The following PML variants were observed in gnomAD, a reference collection of about 807,000 sequenced individuals.
PML encodes the protein protein PML.
Under a neutral mutation model 65.2 loss-of-function variants are expected in PML, and 28 were observed. The ratio of observed to expected loss-of-function variants is 0.43; its 90% CI spans 0.32 to 0.59. PML has a LOEUF of 0.59. Ranked by LOEUF, PML falls within the 20% of genes least tolerant of loss-of-function variation. PML has a pLI of 0.08. For synonymous variants in PML, 500 were observed against 508.8 expected (o/e 0.98, Z 0.23); for missense variants, 1,021 against 1,203.4 (o/e 0.85, Z 2.24).
At position 74,032,677 on chromosome 15, in the gene PML, G is replaced by T. The variant is rs1488618225; in HGVS notation, c.1360G>T (p.Val454Leu). The T allele has an allele frequency of 1.2e-6, 2 of 1,614,226 alleles. No homozygotes were observed. The highest frequency in any genetic ancestry group is 1.7e-6 in the Non-Finnish European group (2 of 1,180,006). ...AGTGCCCGGGGCACACCCCGTGCCAGTGTACGCCTTCTCCATCAAAGGCCC... is the reference window on the plus strand; with the variant it reads ...AGTGCCCGGGGCACACCCCGTGCCATTGTACGCCTTCTCCATCAAAGGCCC... Reference protein sequence around the residue: ...QSVPGAHPVPVYAFSIKGPSY... With the variant: ...QSVPGAHPVPLYAFSIKGPSY... The change falls in exon 5 of 9, where the codon GTG (valine) becomes TTG (leucine). Residue 454 changes from valine to leucine, a missense_variant. Transcript: ENST00000268058.
chr15:74,001,460 C>T (rs1567117661), intron 2 of PML, among the ~76,000 whole-genome samples: 2 of 152,076 alleles, frequency 1.3e-5, no homozygotes, highest in Non-Finnish European at 2.9e-5. Context: ...CTGCCTCAGC[C>T]TCCCCAGTAG....
chr15:74,023,110 C>T lies in PML; in HGVS notation c.885C>T (p.Arg295=). 1 of 1,603,644 alleles carries T rather than the reference C, an allele frequency of 6.2e-7. No individual in the cohort carries two copies. Among genetic ancestry groups the T allele is most frequent in the Non-Finnish European group, 8.5e-7 (1 of 1,179,004 alleles). The change falls in exon 3 of 9, where the codon CGC becomes CGT. Residue 295 remains arginine (R), a synonymous_variant. Coordinates refer to ENST00000268058, the MANE Select transcript of PML (RefSeq NM_033238.3). ...TAGCTCACGTGCGGGCTCAGGAGCG[C>T]GAGCTGCTGGAGGCTGTGGACGCGC... ...QVVAHVRAQE[R]ELLEAVDARY...
At chr15:74,020,784 G>A (rs79317216) in intron 2 of PML, among the ~76,000 whole-genome samples, 3,065 of 152,206 alleles carry the variant, frequency 0.02, 55 homozygotes, top group Non-Finnish European at 0.032. Context: ...TCTAGAGGCT[G>A]CCCACATTCC....
intron 2 of PML, among the ~76,000 whole-genome samples, chr15:74,006,284 A>G (rs2070045442): frequency 6.6e-6 from 1 of 150,972 alleles, no homozygotes; most frequent in Non-Finnish European, 1.5e-5. Flanking sequence ...CCAGCTACTC[A>G]GGAGGCTGAG....
intron 2 of PML, among the ~76,000 whole-genome samples, chr15:74,022,104 T>C (rs2070863043): frequency 6.6e-6 from 1 of 152,124 alleles, no homozygotes. Context: ...ATTACAGGCA[T>C]GCGGCAACAC....
rs2071739739 is a variant in PML at position 74,043,803 on chromosome 15, G to T, written c.1862-418G>T. 1 of 534,046 alleles carries T rather than the reference G, an allele frequency of 1.9e-6. No individual in the cohort carries two copies. The highest frequency in any genetic ancestry group is 1.9e-5 in the Admixed American group (1 of 51,304). 33.1% of individuals were successfully genotyped at this position (534,046 alleles called of 1,614,324 possible). A position where few individuals can be genotyped will look rare whatever the true frequency, so the allele number is the denominator to read the frequency against. ...TTGCTCTGAGTGGAGTGCTTTCTAT[G>T]TCCCAGGGCTCTGACTGGGCTGGGG... is the stretch of plus-strand genomic sequence containing the variant. On this transcript the variant is annotated intron_variant, in intron 8 of 8. Transcript: ENST00000268058. This position sits in a 1 kb window ranked among gnomAD's most constrained non-coding sequence, Gnocchi z 4.3.
At chr15:74,008,954 A>C (rs1473207606) in intron 2 of PML, among the ~76,000 whole-genome samples, 1 of 152,190 alleles carries the variant, frequency 6.6e-6, no homozygotes, top group Non-Finnish European at 1.5e-5. Flanking sequence ...TATCCAATAG[A>C]AACTGAAGCA....
At chr15:74,015,115 C>A (rs1029697013) in intron 2 of PML, among the ~76,000 whole-genome samples, 1 of 152,226 alleles carries the variant, frequency 6.6e-6, no homozygotes, top group Non-Finnish European at 1.5e-5. Flanking sequence ...CTGGTATCTT[C>A]TTCTCCAAGA....
chr15:74,044,602 T>G lies in PML; in HGVS notation c.2243T>G (p.Leu748Arg), dbSNP rs1430073273. The G allele has an allele frequency of 1.2e-6, 2 of 1,608,318 alleles. No individual in the cohort carries two copies. Among genetic ancestry groups the G allele is most frequent in the Middle Eastern group, 1.6e-4 (1 of 6,062 alleles). The change falls in exon 9 of 9, where the codon CTG (leucine) becomes CGG (arginine). Residue 748 changes from leucine (L) to arginine (R), a missense_variant. Transcript: ENST00000268058. ...MSERSAMAAVLAMRDLCRLLE... is the reference protein window; with the variant it reads ...MSERSAMAAVRAMRDLCRLLE... ...GAGCGCAGCGCCATGGCTGCCGTGCTGGCCATGCGTGACCTGTGCCGCCTC... is the reference window on the plus strand; with the variant it reads ...GAGCGCAGCGCCATGGCTGCCGTGCGGGCCATGCGTGACCTGTGCCGCCTC...
chr15:74,019,551 A>G (rs1424100207), intron 2 of PML, among the ~76,000 whole-genome samples: 1 of 152,212 alleles, frequency 6.6e-6, no homozygotes. Flanking sequence ...TCCCATAGCC[A>G]CTTTTATTAA....
intron 2 of PML, among the ~76,000 whole-genome samples, chr15:74,019,694 T>C (rs2070750148): frequency 6.6e-6 from 1 of 152,238 alleles, no homozygotes; most frequent in African/African-American, 2.4e-5. Flanking sequence ...ACTTAAAATA[T>C]ATATCATAAT....
rs763855768 is a variant in PML, at chr15:73,994,842, G to A, written c.30G>A (p.Arg10=). The A allele has an allele frequency of 7.7e-6, 12 of 1,558,500 alleles. No individual in the cohort carries two copies. The Admixed American group carries it at 1.3e-4, about 17-fold the overall frequency. ...AGCCTGCACCCGCCCGATCTCCGAGGCCCCAGCAGGACCCCGCCCGGCCCC... is the reference window on the plus strand; with the variant it reads ...AGCCTGCACCCGCCCGATCTCCGAGACCCCAGCAGGACCCCGCCCGGCCCC... MEPAPARSP[R]PQQDPARPQE... is the part of the protein sequence containing the mutation. The change falls in exon 1 of 9, where the codon AGG becomes AGA. Residue 10 remains arginine, a synonymous_variant. Coordinates refer to ENST00000268058, the MANE Select transcript of PML (RefSeq NM_033238.3).
intron 2 of PML, among the ~76,000 whole-genome samples, chr15:74,002,811 G>A (rs1009189170): frequency 2.0e-5 from 3 of 151,998 alleles, no homozygotes; most frequent in African/African-American, 7.3e-5. Context: ...GATAATTACA[G>A]AGTGGTAACT....
Position 74,042,347 on chromosome 15 carries a change from C to G in PML, c.1711-642C>G. The G allele has an allele frequency of 1.0e-6, 1 of 985,216 alleles. No individual in the cohort carries two copies. Among genetic ancestry groups the G allele is most frequent in the Non-Finnish European group, 1.2e-6 (1 of 829,678 alleles). The allele number at this position is 985,216 out of a possible 1,614,324, so 61.0% of individuals were successfully genotyped here. ...TAGATGTGGCCTTCAGGAGGCCAAG[C>G]AGTCCTTCCCCTCGCCTTTGTGTAG... On this transcript the variant is annotated intron_variant, in intron 7 of 8. Transcript: ENST00000268058. This position sits in a 1 kb window ranked among gnomAD's most constrained non-coding sequence, Gnocchi z 5.3.
chr15:74,032,044 A>G (rs918808788), intron 4 of PML, among the ~76,000 whole-genome samples: 2 of 152,140 alleles, frequency 1.3e-5, no homozygotes, highest in Admixed American at 6.5e-5. Flanking sequence ...TTTCAGCTCA[A>G]TGGGAGGATT....
At chr15:74,010,185 ATTTTTTTT>A (rs536738558) in intron 2 of PML, among the ~76,000 whole-genome samples, 9,608 of 77,616 alleles carry the variant, frequency 0.12, 287 homozygotes, top group Non-Finnish European at 0.17. Flanking sequence ...TGCCCAGCTA[ATTTTTTTT>A]TTTTTTTTTT....
In PML at chr15:74,047,064, G is replaced by A. The variant is rs188453071; in HGVS notation, c.*2056G>A. On this transcript the variant is annotated 3_prime_UTR_variant, in exon 9 of 9. Coordinates refer to ENST00000268058, the MANE Select transcript of PML (RefSeq NM_033238.3). ...TGCCATGTGGCAGGAAAGAAGCACC[G>A]ATTTCAAGAATTACTTCCTAGAGAA... 1.9e-4 allele frequency: 43 copies of A among 230,272 alleles called. No individual in the cohort carries two copies. Among genetic ancestry groups the A allele is most frequent in the Middle Eastern group, 1.3e-3 (1 of 766 alleles). 14.3% of individuals were successfully genotyped at this position (230,272 alleles called of 1,614,324 possible). A position where few individuals can be genotyped will look rare whatever the true frequency, so the allele number is the denominator to read the frequency against.
intron 2 of PML, among the ~76,000 whole-genome samples, chr15:73,998,692 G>A (rs571327630): frequency 6.6e-6 from 1 of 152,332 alleles, no homozygotes; most frequent in African/African-American, 2.4e-5. Context: ...GTTTCCTCCT[G>A]TAATAAATAA....
chr15:74,021,681 T>C (rs1318705830), intron 2 of PML, among the ~76,000 whole-genome samples: 2 of 151,796 alleles, frequency 1.3e-5, no homozygotes, highest in African/African-American at 4.8e-5. Flanking sequence ...AAAGCTTCCA[T>C]GATTAGGCTA....
Sources: gnomAD v4.1 joint callset for allele counts (sites outside exome capture counted in the v4.1 genomes callset) on GRCh38, gnomAD v4.1.1 for gene constraint, Gnocchi (gnomAD v3.1) non-coding constraint, MANE v1.5 for transcripts, NCBI Gene and HGNC (gene_info 2026-07-23, HGNC 2026-07-21) for gene names.